LARGE1: variants seen among roughly 807,000 people sequenced by gnomAD.
The protein encoded by LARGE1 is xylosyl- and glucuronyltransferase LARGE1.
In LARGE1, 43 loss-of-function variants were observed where a neutral mutation model predicts 87.6. That is an observed-to-expected ratio of 0.49 (90% CI 0.38 to 0.63). LARGE1 has a LOEUF of 0.63. LARGE1 is among the 30% of genes least tolerant of loss of function. The pLI is 0.00. For synonymous variants in LARGE1, 434 were observed against 394.6 expected, an observed-to-expected ratio of 1.10 and a Z score of -1.18; for missense variants, 802 against 1,000.2, an observed-to-expected ratio of 0.80 and a Z score of 2.67.
chr22:33,477,080 G>A (rs900916788), intron 6 of LARGE1, among the ~76,000 whole-genome samples: 1 of 152,198 alleles, frequency 6.6e-6, no homozygotes, highest in Non-Finnish European at 1.5e-5. Flanking sequence ...TCAGAGCTGC[G>A]TGGCGGCTCA....
chr22:33,626,680 T>C (rs1163360293), intron 3 of LARGE1, among the ~76,000 whole-genome samples: 1 of 152,172 alleles, frequency 6.6e-6, no homozygotes, highest in Non-Finnish European at 1.5e-5. Flanking sequence ...CTTGAAAGTA[T>C]GAACCAACAA....
intron 2 of LARGE1, among the ~76,000 whole-genome samples, chr22:33,711,419 C>T (rs895151790): frequency 6.6e-6 from 1 of 152,118 alleles, no homozygotes; most frequent in Non-Finnish European, 1.5e-5. Context: ...CAAATGTGTC[C>T]TAAAATATTG....
chr22:33,649,186 C>G (rs927654711), intron 3 of LARGE1, among the ~76,000 whole-genome samples: 2 of 152,210 alleles, frequency 1.3e-5, no homozygotes, highest in African/African-American at 4.8e-5. Flanking sequence ...CTCCTATCCT[C>G]AGGGGCTCTC....
chr22:33,915,970 T>C (rs1042421021), intron 1 of LARGE1, among the ~76,000 whole-genome samples: 1 of 152,128 alleles, frequency 6.6e-6, no homozygotes, highest in African/African-American at 2.4e-5. Flanking sequence ...TGCAGGATAG[T>C]ACTTACCTGG....
rs146575607 is a variant in LARGE1, at chr22:33,729,997, C to T, written c.106+31374G>A. On this transcript the variant is annotated intron_variant, in intron 2 of 14. Transcript: ENST00000397394. ...GCGTGTGTGCATGCGTGTGTGTGTG[C>T]GTGCATGCGTGCGTGTGTGTGTTGA... 7.3e-4 allele frequency among the ~76,000 whole-genome samples: 111 copies of T among 151,770 alleles called. No homozygotes were observed. In the Middle Eastern group the frequency reaches 0.014, roughly 19 times the overall value.
chr22:33,656,962 C>T (rs1431710902), intron 2 of LARGE1: 7 of 152,162 alleles, frequency 4.6e-5, no homozygotes, highest in African/African-American at 1.4e-4. Flanking sequence ...AGGGACTTAC[C>T]ATCCAAAATG....
intron 5 of LARGE1, among the ~76,000 whole-genome samples, chr22:33,566,264 C>CAT (rs1000750353): frequency 2.0e-4 from 30 of 152,270 alleles, no homozygotes; most frequent in African/African-American, 5.5e-4. Context: ...TTTCTGATAG[C>CAT]ATACTATGTA....
chr22:33,132,976 A>C, the LARGE1 span, among the ~76,000 whole-genome samples: 1 of 152,194 alleles, frequency 6.6e-6, no homozygotes, highest in Non-Finnish European at 1.5e-5. Context: ...TATTTCCCCT[A>C]TTGGTTTTTA....
rs76317978 is a variant in LARGE1 at position 33,507,453 on chromosome 22, A to C, written c.787+57395T>G. 9.9e-3 allele frequency among the ~76,000 whole-genome samples: 1,505 copies of C among 152,238 alleles called. 16 individuals are homozygous for C. The highest frequency in any genetic ancestry group is 0.03 in the African/African-American group (1,243 of 41,528). ...TAAACCAGACATACACTAAAAAAAA[A>C]CCCGCAAACATCATATGACTCCACT... On this transcript the variant is annotated intron_variant, in intron 6 of 14. Transcript: ENST00000397394.
At chr22:33,895,020 C>T (rs772601858) in intron 1 of LARGE1, among the ~76,000 whole-genome samples, 14 of 151,924 alleles carry the variant, frequency 9.2e-5, no homozygotes, top group Admixed American at 3.3e-4. Context: ...ATCTGATCAC[C>T]GATCACCTGT....
chr22:33,653,811 G>T (rs190410519), intron 2 of LARGE1, among the ~76,000 whole-genome samples: 4,159 of 152,180 alleles, frequency 0.027, 178 homozygotes, highest in African/African-American at 0.087. Flanking sequence ...GGGGGAACAA[G>T]CAGTCAACAG....
chr22:33,561,472 G>A (rs1045964124), intron 6 of LARGE1, among the ~76,000 whole-genome samples: 18 of 152,176 alleles, frequency 1.2e-4, no homozygotes, highest in Non-Finnish European at 2.2e-4. Context: ...GAAGTATCTC[G>A]TGAGAAGCAT....
intron 7 of LARGE1, among the ~76,000 whole-genome samples, chr22:33,427,483 G>C (rs111472274): frequency 6.6e-6 from 1 of 152,144 alleles, no homozygotes; most frequent in African/African-American, 2.4e-5. Context: ...CAAAGAGAAC[G>C]GGGGAAACTG....
intron 6 of LARGE1, among the ~76,000 whole-genome samples, chr22:33,542,786 T>G (rs565575144): frequency 6.6e-6 from 1 of 152,116 alleles, no homozygotes; most frequent in South Asian, 2.1e-4. Flanking sequence ...TACTAATCAT[T>G]CATGCTTTCT....
chr22:33,849,412 A>G (rs1441834317), intron 1 of LARGE1, among the ~76,000 whole-genome samples: 1 of 152,044 alleles, frequency 6.6e-6, no homozygotes, highest in Non-Finnish European at 1.5e-5. Context: ...TACGAATGCT[A>G]TAGGGTGAGG....
chr22:33,532,899 T>A (rs1001973903), intron 6 of LARGE1, among the ~76,000 whole-genome samples: 8 of 152,178 alleles, frequency 5.3e-5, no homozygotes, highest in African/African-American at 1.4e-4. Flanking sequence ...ACTGAGAGCA[T>A]GAGCTAGTGC....
Position 33,366,010 on chromosome 22 carries a change from T to G in LARGE1, c.1131+15909A>C, listed in dbSNP as rs557332155. Among the ~76,000 whole-genome samples the G allele has an allele frequency of 2.6e-5, 4 of 152,360 alleles. No homozygotes were observed. In the East Asian group the frequency reaches 7.7e-4, roughly 29 times the overall value. On this transcript the variant is annotated intron_variant, in intron 9 of 14. Transcript: ENST00000397394. ...TCATTTATGGTATGCGTTTTTGATG[T>G]CTTGTTGAATACATACTTCTCCATT...
Position 33,488,272 on chromosome 22 carries a change from T to C in LARGE1, c.788-56007A>G, listed in dbSNP as rs565786818. Among the ~76,000 whole-genome samples the C allele has an allele frequency of 3.9e-5, 6 of 152,376 alleles. No individual in the cohort carries two copies. In the South Asian group the frequency reaches 6.2e-4, roughly 16 times the overall value. On this transcript the variant is annotated intron_variant, in intron 6 of 14. Transcript: ENST00000397394. ...ACATCTCCTGTGCTCAGTGACCACA[T>C]GGTAGTGGTTACCATACCAAAGAGT...
At chr22:33,602,965 T>C (rs1005198494) in intron 5 of LARGE1, among the ~76,000 whole-genome samples, 3 of 152,196 alleles carry the variant, frequency 2.0e-5, no homozygotes, top group African/African-American at 7.2e-5. Context: ...TTTTCCCCCA[T>C]GGTGTTGGCG....
Sources: gnomAD v4.1 joint callset for allele counts (sites outside exome capture counted in the v4.1 genomes callset) on GRCh38, gnomAD v4.1.1 for gene constraint, MANE v1.5 for transcripts, NCBI Gene and HGNC (gene_info 2026-07-23, HGNC 2026-07-21) for gene names.